The following PAPPA2 variants were observed in gnomAD, a reference collection of about 807,000 sequenced individuals.
The protein encoded by PAPPA2 is pappalysin 2.
PAPPA2 carries 86 observed loss-of-function variants against 176.4 expected under a neutral mutation model. That is an observed-to-expected ratio of 0.49 (90% CI 0.41 to 0.58). The LOEUF is 0.58. Among genes scored for constraint, PAPPA2 ranks in the 20% least tolerant of loss-of-function variants. PAPPA2 has a pLI of 0.00. For missense variants in PAPPA2, 2,073 were observed against 2,256.9 expected (o/e 0.92, Z 1.65); for synonymous variants, 809 against 852.2 (o/e 0.95, Z 0.88).
chr1:176,650,418 T>G (rs1042247595), intron 3 of PAPPA2, among the ~76,000 whole-genome samples: 1 of 151,328 alleles, frequency 6.6e-6, no homozygotes, highest in Non-Finnish European at 1.5e-5. Flanking sequence ...TTTATTTATT[T>G]TATTATATAC....
intron 3 of PAPPA2, among the ~76,000 whole-genome samples, chr1:176,658,901 T>C (rs935877941): frequency 3.3e-5 from 5 of 151,928 alleles, no homozygotes; most frequent in African/African-American, 9.7e-5. Context: ...GAAGAGATTA[T>C]AGAACATCAG....
chr1:176,652,385 T>C (rs1657777484), intron 3 of PAPPA2, among the ~76,000 whole-genome samples: 1 of 151,718 alleles, frequency 6.6e-6, no homozygotes, highest in African/African-American at 2.4e-5. Flanking sequence ...GCTGCCTCCT[T>C]TTCAACACTA....
At chr1:176,568,499 T>G (rs1006616402) in intron 2 of PAPPA2, among the ~76,000 whole-genome samples, 4 of 152,248 alleles carry the variant, frequency 2.6e-5, no homozygotes, top group African/African-American at 9.6e-5. Context: ...CCTGGACATT[T>G]GTCCTGAGAG....
chr1:176,828,485 A>T (rs1666944088), intron 21 of PAPPA2, among the ~76,000 whole-genome samples: 1 of 151,042 alleles, frequency 6.6e-6, no homozygotes, highest in African/African-American at 2.4e-5. Context: ...CAGATCTATA[A>T]TATAGATTAT....
At chr1:176,633,971 A>T (rs976518887) in intron 3 of PAPPA2, among the ~76,000 whole-genome samples, 3 of 152,240 alleles carry the variant, frequency 2.0e-5, no homozygotes, top group Non-Finnish European at 4.4e-5. Flanking sequence ...GTGGAGAAAT[A>T]GGAACACTTT....
chr1:176,705,665 A>G (rs1487383055), intron 9 of PAPPA2, among the ~76,000 whole-genome samples: 1 of 152,186 alleles, frequency 6.6e-6, no homozygotes, highest in East Asian at 1.9e-4. Context: ...CCCCACCTCA[A>G]TTCAAATTTT....
At chr1:176,680,677 T>G (rs989152826) in intron 4 of PAPPA2, among the ~76,000 whole-genome samples, 1 of 152,204 alleles carries the variant, frequency 6.6e-6, no homozygotes, top group Non-Finnish European at 1.5e-5. Flanking sequence ...TCATTTGCAA[T>G]GATTACTCTT....
intron 12 of PAPPA2, among the ~76,000 whole-genome samples, chr1:176,718,032 T>C (rs899933379): frequency 2.6e-5 from 4 of 152,174 alleles, no homozygotes; most frequent in African/African-American, 9.7e-5. Context: ...TTAGTGTTAA[T>C]TTTTTGAGAA....
chr1:176,519,418 G>A (rs1009386530), intron 1 of PAPPA2, among the ~76,000 whole-genome samples: 6 of 152,180 alleles, frequency 3.9e-5, no homozygotes, highest in Non-Finnish European at 8.8e-5. Flanking sequence ...GGCAGGGAGG[G>A]GAGAGAGCAT....
At chr1:176,568,252 T>C (rs1652099799) in intron 2 of PAPPA2, among the ~76,000 whole-genome samples, 1 of 152,176 alleles carries the variant, frequency 6.6e-6, no homozygotes, top group African/African-American at 2.4e-5. Context: ...AACAGAAATA[T>C]AAAGCATGCA....
intron 3 of PAPPA2, among the ~76,000 whole-genome samples, chr1:176,629,552 A>T (rs1656228202): frequency 6.6e-6 from 1 of 152,150 alleles, no homozygotes. Flanking sequence ...CTGGGATGTA[A>T]TTCTGGGTGG....
chr1:176,655,346 A>G lies in PAPPA2; in HGVS notation c.1992-15624A>G, dbSNP rs77039140. Among the ~76,000 whole-genome samples, 936 of 151,928 alleles carry G rather than the reference A, an allele frequency of 6.2e-3. 11 individuals carry two copies. Among genetic ancestry groups the G allele is most frequent in the African/African-American group, 0.021 (879 of 41,510 alleles). On this transcript the variant is annotated intron_variant, in intron 3 of 22. Coordinates refer to ENST00000367662, the MANE Select transcript of PAPPA2 (RefSeq NM_020318.3). ...TGATATCGAACAGACAACCTGCAGA[A>G]TGAGAGAAAATATTTGTTAACTATT...
intron 17 of PAPPA2, among the ~76,000 whole-genome samples, chr1:176,786,790 T>C (rs1664953517): frequency 6.6e-6 from 1 of 152,202 alleles, no homozygotes; most frequent in Admixed American, 6.5e-5. Context: ...AGTTTTCTTC[T>C]TAAGTGTGGA....
intron 12 of PAPPA2, among the ~76,000 whole-genome samples, chr1:176,714,912 G>A (rs895995772): frequency 1.2e-4 from 19 of 152,182 alleles, no homozygotes; most frequent in East Asian, 3.9e-4. Flanking sequence ...AAATTATAGC[G>A]TCAGGGAATC....
intron 2 of PAPPA2, among the ~76,000 whole-genome samples, chr1:176,560,128 T>C (rs1573041811): frequency 6.6e-6 from 1 of 152,164 alleles, no homozygotes; most frequent in East Asian, 1.9e-4. Flanking sequence ...TCCCAGAATG[T>C]TGTTCGTTGG....
At chr1:176,637,685 G>C (rs1371274132) in intron 3 of PAPPA2, among the ~76,000 whole-genome samples, 2 of 152,098 alleles carry the variant, frequency 1.3e-5, no homozygotes, top group Non-Finnish European at 2.9e-5. Flanking sequence ...AATCCAAACT[G>C]TCTGGCTTTA....
chr1:176,805,205 A>T (rs2102954931), intron 21 of PAPPA2, among the ~76,000 whole-genome samples: 1 of 152,254 alleles, frequency 6.6e-6, no homozygotes, highest in Admixed American at 6.5e-5. Context: ...TCTCTAGGGA[A>T]TGTACCTAGG....
intron 20 of PAPPA2, among the ~76,000 whole-genome samples, 182 bp downstream of exon 20, chr1:176,793,851 A>C (rs1665297607): frequency 6.6e-6 from 1 of 152,180 alleles, no homozygotes; most frequent in Non-Finnish European, 1.5e-5. Flanking sequence ...TTGAAAACAA[A>C]GATATCCGCC....
chr1:176,754,708 C>T (rs1309434083), intron 14 of PAPPA2, among the ~76,000 whole-genome samples: 5 of 152,166 alleles, frequency 3.3e-5, no homozygotes, highest in Non-Finnish European at 5.9e-5. Context: ...CAGAGCTGGC[C>T]CTGTCAGTAT....
Sources: gnomAD v4.1 joint callset for allele counts (sites outside exome capture counted in the v4.1 genomes callset) on GRCh38, gnomAD v4.1.1 for gene constraint, MANE v1.5 for transcripts, NCBI Gene and HGNC (gene_info 2026-07-23, HGNC 2026-07-21) for gene names.